RUNX3: variants seen among roughly 807,000 people sequenced by gnomAD.
RUNX3 encodes RUNX family transcription factor 3.
In RUNX3, 10 loss-of-function variants were observed where a neutral mutation model predicts 27.7. The observed-to-expected ratio is 0.36, with a 90% confidence interval of 0.22 to 0.61. RUNX3 has a LOEUF of 0.61. RUNX3 is among the 20% of genes least tolerant of loss of function. RUNX3 has a pLI of 0.72. For synonymous variants in RUNX3, 270 were observed against 269.2 expected (o/e 1.00, Z -0.03); for missense variants, 469 against 629.5 (o/e 0.75, Z 2.73).
At chr1:24,910,652 GA>G (rs1255179842) in intron 3 of RUNX3, among the ~76,000 whole-genome samples, 3 of 152,210 alleles carry the variant, frequency 2.0e-5, no homozygotes, top group Non-Finnish European at 4.4e-5. Flanking sequence ...GGGAGCCTCA[GA>G]AAGAAAGCAG....
intron 3 of RUNX3, among the ~76,000 whole-genome samples, chr1:24,914,151 G>T (rs1242272010): frequency 6.6e-6 from 1 of 152,238 alleles, no homozygotes; most frequent in Non-Finnish European, 1.5e-5. Context: ...GGGTCACCTG[G>T]CCGTAAGGTC....
intron 3 of RUNX3, among the ~76,000 whole-genome samples, chr1:24,914,295 C>T (rs1008973401): frequency 6.6e-6 from 1 of 152,242 alleles, no homozygotes; most frequent in Non-Finnish European, 1.5e-5. Flanking sequence ...TGAAGCCACT[C>T]GGCAGCCTTC....
At chr1:24,940,965 T>A (rs114243762) in intron 2 of RUNX3, among the ~76,000 whole-genome samples, 44 of 152,340 alleles carry the variant, frequency 2.9e-4, no homozygotes, top group African/African-American at 9.6e-4. Flanking sequence ...TTTAAAAATA[T>A]TTTAAAGGAA....
chr1:24,929,081 C>T (rs1282439916), intron 1 of RUNX3: 1 of 458,610 alleles, frequency 2.2e-6, no homozygotes, highest in Middle Eastern at 3.2e-4. Context: ...GTCTGGAGAG[C>T]AGTGCCCCGA....
intron 2 of RUNX3, among the ~76,000 whole-genome samples, chr1:24,963,434 C>T (rs772286378): frequency 3.9e-5 from 6 of 152,210 alleles, no homozygotes; most frequent in Non-Finnish European, 7.3e-5. Context: ...GCCCCCAACC[C>T]TGAAGTTCTA....
exon 2 of RUNX3, chr1:24,964,623 G>A (rs1211717720): frequency 6.3e-7 from 1 of 1,579,604 alleles, no homozygotes; most frequent in Non-Finnish European, 8.6e-7. Flanking sequence ...GGTTGGGTTG[G>A]GATTCACTTG....
Position 24,929,806 on chromosome 1 carries a change from G to GCA in RUNX3, c.62_63insTG (p.Cys22AlafsTer16). ...CCATCTTGCCGCCGCCGCCGCCGCAGGGGAAGGCCGGGGAGGGAGGTGTGA... is the reference window on the plus strand; with the variant it reads ...CCATCTTGCCGCCGCCGCCGCCGCAGCAGGGAAGGCCGGGGAGGGAGGTGTGA... On this transcript the variant is annotated frameshift_variant, in exon 1 of 5. Coordinates refer to ENST00000308873, the MANE Select transcript of RUNX3 (RefSeq NM_004350.3). LOFTEE classifies it high-confidence loss of function. 7.1e-7 allele frequency: 1 copy of GCA among 1,415,832 alleles called. No individual in the cohort carries two copies. The highest frequency in any genetic ancestry group is 9.1e-7 in the Non-Finnish European group (1 of 1,094,408). 87.7% of individuals were successfully genotyped at this position (1,415,832 alleles called of 1,614,324 possible). A position where few individuals can be genotyped will look rare whatever the true frequency, so the allele number is the denominator to read the frequency against.
Position 24,929,670 on chromosome 1 carries a change from C to G in RUNX3, c.199G>C (p.Val67Leu), listed in dbSNP as rs747971057. The change falls in exon 1 of 5, where the codon GTG becomes CTG. Residue 67 changes from valine (V) to leucine (L), a missense_variant. By Grantham distance (32) the Val-to-Leu change is conservative (BLOSUM62 1). Transcript: ENST00000308873. Reference sequence around the variant, plus strand: ...AGGAAGTTGGGGCTGTCGGTGCGCACGAGCTCGCCTGCGTGGTCCGCCAGC... The same window carrying G: ...AGGAAGTTGGGGCTGTCGGTGCGCAGGAGCTCGCCTGCGTGGTCCGCCAGC... Reference protein sequence around the residue: ...DVLADHAGELVRTDSPNFLCS... With the variant: ...DVLADHAGELLRTDSPNFLCS... 6.3e-7 allele frequency: 1 copy of G among 1,598,380 alleles called. No homozygotes were observed. The highest frequency in any genetic ancestry group is 8.5e-7 in the Non-Finnish European group (1 of 1,176,176).
At chr1:24,950,206 C>T (rs958667755) in intron 2 of RUNX3, among the ~76,000 whole-genome samples, 1 of 152,226 alleles carries the variant, frequency 6.6e-6, no homozygotes, top group African/African-American at 2.4e-5. Flanking sequence ...TCTCAACCCA[C>T]GGTGGTGTTT....
At chr1:24,940,145 T>C (rs1459834739) in intron 2 of RUNX3, among the ~76,000 whole-genome samples, 1 of 151,994 alleles carries the variant, frequency 6.6e-6, no homozygotes, top group Non-Finnish European at 1.5e-5. Flanking sequence ...TGCTGGGGGC[T>C]CCATACCAGG....
intron 2 of RUNX3, among the ~76,000 whole-genome samples, chr1:24,924,972 T>C (rs1018669921): frequency 2.0e-5 from 3 of 152,148 alleles, no homozygotes; most frequent in Non-Finnish European, 4.4e-5. Flanking sequence ...TGCGTGTCTT[T>C]CATGGAAAGC....
intron 1 of RUNX3, chr1:24,964,687 G>C: frequency 6.6e-7 from 1 of 1,513,258 alleles, no homozygotes; most frequent in Non-Finnish European, 8.9e-7. Flanking sequence ...AATAAAAGGG[G>C]GGGGTGTTGC....
At chr1:24,946,369 TCTC>T (rs1641606825) in intron 2 of RUNX3, among the ~76,000 whole-genome samples, 1 of 151,828 alleles carries the variant, frequency 6.6e-6, no homozygotes, top group African/African-American at 2.4e-5. Flanking sequence ...ATTATCTTCT[TCTC>T]TTCCCCGCCC....
chr1:24,906,859 A>C (rs1640673889), intron 4 of RUNX3, among the ~76,000 whole-genome samples: 1 of 152,242 alleles, frequency 6.6e-6, no homozygotes, highest in South Asian at 2.1e-4. Flanking sequence ...TTTCAGATGA[A>C]AAATCGCAGG....
At chr1:24,947,353 C>T (rs915910908) in intron 2 of RUNX3, among the ~76,000 whole-genome samples, 1 of 152,226 alleles carries the variant, frequency 6.6e-6, no homozygotes, top group Admixed American at 6.5e-5. Flanking sequence ...TCCATATGTG[C>T]CCTGGGCAGC....
intron 2 of RUNX3, among the ~76,000 whole-genome samples, chr1:24,936,819 G>A (rs1228637232): frequency 6.6e-6 from 1 of 152,256 alleles, no homozygotes; most frequent in Non-Finnish European, 1.5e-5. Context: ...ATGGCTCGGA[G>A]GAGACTGGGG....
At chr1:24,963,816 C>T (rs1245573224) in intron 2 of RUNX3, among the ~76,000 whole-genome samples, 1 of 152,190 alleles carries the variant, frequency 6.6e-6, no homozygotes, top group African/African-American at 2.4e-5. Flanking sequence ...CCCAGACCCC[C>T]TATCCTTGCT....
upstream of RUNX3, among the ~76,000 whole-genome samples, chr1:24,930,449 G>T (rs1284825152): frequency 6.6e-6 from 1 of 151,604 alleles, no homozygotes; most frequent in Non-Finnish European, 1.5e-5. The surrounding 1 kb of genome is among the most constrained non-coding windows in gnomAD (Gnocchi z 4.1). Context: ...GGCGGAAGGC[G>T]CCACCCCGCG....
intron 2 of RUNX3, among the ~76,000 whole-genome samples, chr1:24,964,165 T>C (rs1452967809): frequency 1.3e-5 from 2 of 152,172 alleles, no homozygotes; most frequent in Non-Finnish European, 2.9e-5. Context: ...GGACAGGGGC[T>C]GGGGCTGCAG....
Sources: gnomAD v4.1 joint callset for allele counts (sites outside exome capture counted in the v4.1 genomes callset) on GRCh38, gnomAD v4.1.1 for gene constraint, Gnocchi (gnomAD v3.1) non-coding constraint, MANE v1.5 for transcripts, NCBI Gene and HGNC (gene_info 2026-07-23, HGNC 2026-07-21) for gene names.